RBFOX1: variants seen among roughly 807,000 people sequenced by gnomAD.
RBFOX1 encodes RNA binding fox-1 homolog 1, also known as RNA binding protein fox-1 homolog 1.
A neutral mutation model predicts 57.7 loss-of-function variants in RBFOX1; 8 were observed. The observed-to-expected ratio is 0.14, with a 90% CI of 0.08 to 0.25. The LOEUF (loss-of-function observed/expected upper bound fraction) is 0.25. RBFOX1 is among the 10% of genes least tolerant of loss of function. The pLI, the probability that RBFOX1 is intolerant of heterozygous loss-of-function variation, is 1.00. For missense variants in RBFOX1, 611 were observed against 548.5 expected (o/e 1.11, Z -1.14); for synonymous variants, 326 against 222.4 (o/e 1.47, Z -4.15).
rs2077640559 is a variant in RBFOX1, at chr16:6,767,961, AG to A, written c.-16+113312del. ...AATAATAATAATAAGAAGAAGAAGA[AG>A]AAGAAGAAGAAGAAGAAGAAGAAGA... On this transcript the variant is annotated intron_variant, in intron 3 of 15. Transcript: ENST00000550418. Among the ~76,000 whole-genome samples the A allele has an allele frequency of 1.1e-4, 14 of 123,582 alleles. No individual in the cohort carries two copies. In the South Asian group the frequency reaches 3.1e-3, roughly 27 times the overall value. 81.1% of individuals were successfully genotyped at this position (123,582 alleles called of 152,430 possible).
intron 1 of RBFOX1, among the ~76,000 whole-genome samples, chr16:6,163,871 T>C (rs2096896944): frequency 1.3e-5 from 2 of 152,126 alleles, no homozygotes. Context: ...AAATAAGAGG[T>C]CCAATTCTTG....
intron 3 of RBFOX1, among the ~76,000 whole-genome samples, chr16:6,659,542 T>C (rs1331788672): frequency 6.6e-6 from 1 of 151,968 alleles, no homozygotes; most frequent in East Asian, 1.9e-4. Context: ...GTTTTACAGG[T>C]AAAATAAAGG....
chr16:6,119,846 C>G (rs924347620), intron 1 of RBFOX1, among the ~76,000 whole-genome samples: 1 of 152,132 alleles, frequency 6.6e-6, no homozygotes. Context: ...TTAGCACATT[C>G]GTAATGTTAT....
intron 2 of RBFOX1, among the ~76,000 whole-genome samples, chr16:6,426,797 C>G (rs1021666470): frequency 2.6e-5 from 4 of 152,172 alleles, no homozygotes; most frequent in African/African-American, 9.7e-5. Flanking sequence ...TTAGACCTGT[C>G]TTGACCTCTG....
chr16:7,109,134 C>G (rs1411123281), intron 4 of RBFOX1, among the ~76,000 whole-genome samples: 1 of 151,994 alleles, frequency 6.6e-6, no homozygotes, highest in Non-Finnish European at 1.5e-5. Flanking sequence ...TTAAATATTT[C>G]CAAGGTGAAT....
chr16:5,841,104 G>A (rs937404209), intron 3 of RBFOX1, among the ~76,000 whole-genome samples: 4 of 152,160 alleles, frequency 2.6e-5, no homozygotes, highest in Admixed American at 2.6e-4. Flanking sequence ...GAATACTAAT[G>A]TCGATTGAGT....
At position 6,119,055 on chromosome 16, in the gene RBFOX1, A is replaced by C. The variant is rs1283246228; in HGVS notation, c.-127+99063A>C. Among the ~76,000 whole-genome samples the C allele has an allele frequency of 2.1e-5, 3 of 139,984 alleles. No homozygotes were observed. In the East Asian group the frequency reaches 6.1e-4, roughly 28 times the overall value. 91.8% of individuals were successfully genotyped at this position (139,984 alleles called of 152,430 possible). ...ATCTTTCATGACTTTGATACGTTTG[A>C]TCTTGCTTGCCATGGGATCTTGGGT... On this transcript the variant is annotated intron_variant, in intron 1 of 15. Transcript: ENST00000550418.
chr16:6,201,414 C>G (rs1256426369), intron 1 of RBFOX1, among the ~76,000 whole-genome samples: 3 of 152,104 alleles, frequency 2.0e-5, no homozygotes, highest in Non-Finnish European at 4.4e-5. Flanking sequence ...AATTTGCATT[C>G]TCAACAACAG....
At chr16:5,305,945 A>G (rs1416852990) in intron 1 of RBFOX1, among the ~76,000 whole-genome samples, 1 of 152,130 alleles carries the variant, frequency 6.6e-6, no homozygotes, top group Non-Finnish European at 1.5e-5. Context: ...AGTCCCAATT[A>G]CTCAGGAGGC....
At chr16:5,820,014 G>A (rs2055787863) in intron 3 of RBFOX1, among the ~76,000 whole-genome samples, 1 of 152,188 alleles carries the variant, frequency 6.6e-6, no homozygotes, top group African/African-American at 2.4e-5. Flanking sequence ...CCTCTGGCAG[G>A]GAGGGGTGAT....
Position 6,979,843 on chromosome 16 carries a change from G to A in RBFOX1, c.-15-72214G>A, listed in dbSNP as rs193168370. ...GCCAGATGCACTCAGGCTGGTGTTG[G>A]GCTCTGTGATGTGTTTGCTTTGTGA... On this transcript the variant is annotated intron_variant, in intron 3 of 15. Coordinates refer to ENST00000550418, the MANE Select transcript of RBFOX1 (RefSeq NM_018723.4). 2.2e-3 allele frequency among the ~76,000 whole-genome samples: 332 copies of A among 152,250 alleles called. 1 individual carries two copies. Among genetic ancestry groups the A allele is most frequent in the Non-Finnish European group, 3.9e-3 (264 of 68,020 alleles).
chr16:7,394,235 C>CAAAAAAAAAAAAA (rs59934126), intron 4 of RBFOX1, among the ~76,000 whole-genome samples: 6 of 55,024 alleles, frequency 1.1e-4, no homozygotes, highest in East Asian at 5.9e-4. Context: ...GACTCCGCAT[C>CAAAAAAAAAAAAA]AAAAAAAAAA....
intron 2 of RBFOX1, among the ~76,000 whole-genome samples, chr16:5,563,241 G>A (rs904660805): frequency 6.6e-6 from 1 of 152,262 alleles, no homozygotes. Context: ...GAGCCACCGC[G>A]CCCAGCTGAG....
chr16:5,411,505 G>T (rs1470766199), intron 1 of RBFOX1, among the ~76,000 whole-genome samples: 5 of 152,244 alleles, frequency 3.3e-5, no homozygotes, highest in African/African-American at 9.6e-5. Context: ...TTCTAGGCCA[G>T]TGAGTCTTAT....
At chr16:5,726,287 C>A (rs774601856) in intron 3 of RBFOX1, among the ~76,000 whole-genome samples, 1 of 151,834 alleles carries the variant, frequency 6.6e-6, no homozygotes, top group African/African-American at 2.4e-5. Context: ...GGGATGTATT[C>A]AGATAATTCA....
At position 6,654,600 on chromosome 16, in the gene RBFOX1, C is replaced by T. The variant is rs765977016; in HGVS notation, c.-63-3C>T. ...ACTTTCCTTTCTTTTCTTCTCTTCTCAGGATATCAAAGCAGACTGCAATAC... is the reference window on the plus strand; with the variant it reads ...ACTTTCCTTTCTTTTCTTCTCTTCTTAGGATATCAAAGCAGACTGCAATAC... On this transcript the variant is annotated splice_polypyrimidine_tract_variant and splice_region_variant and intron_variant, in intron 2 of 15. Coordinates refer to ENST00000550418, the MANE Select transcript of RBFOX1 (RefSeq NM_018723.4). 1 of 1,506,324 alleles carries T rather than the reference C, an allele frequency of 6.6e-7. No homozygotes were observed. The highest frequency in any genetic ancestry group is 8.8e-7 in the Non-Finnish European group (1 of 1,135,424). The allele number at this position is 1,506,324 out of a possible 1,614,324, so 93.3% of individuals were successfully genotyped here.
At chr16:6,547,720 T>A (rs997878652) in intron 2 of RBFOX1, among the ~76,000 whole-genome samples, 5 of 152,016 alleles carry the variant, frequency 3.3e-5, no homozygotes, top group Non-Finnish European at 7.4e-5. Flanking sequence ...TCAGAGAAAA[T>A]CTACTCTGGG....
At chr16:7,508,404 C>T (rs534992618) in intron 4 of RBFOX1, among the ~76,000 whole-genome samples, 1 of 152,236 alleles carries the variant, frequency 6.6e-6, no homozygotes, top group Admixed American at 6.5e-5. Context: ...AGAAGTTGGC[C>T]TCTCAGTTGA....
chr16:6,887,152 G>T (rs2064247393), intron 3 of RBFOX1, among the ~76,000 whole-genome samples: 1 of 152,104 alleles, frequency 6.6e-6, no homozygotes, highest in Non-Finnish European at 1.5e-5. Context: ...TGACTCTGCT[G>T]TTCTTCTTGT....
Sources: gnomAD v4.1 joint callset for allele counts (sites outside exome capture counted in the v4.1 genomes callset) on GRCh38, gnomAD v4.1.1 for gene constraint, MANE v1.5 for transcripts, NCBI Gene and HGNC (gene_info 2026-07-23, HGNC 2026-07-21) for gene names.